Variants in KLF15 observed in about 807,000 individuals in gnomAD.
KLF15 encodes the protein KLF transcription factor 15, also known as Krueppel-like factor 15.
A neutral mutation model predicts 24.6 loss-of-function variants in KLF15; 4 were observed. The ratio of observed to expected loss-of-function variants is 0.16; its 90% CI spans 0.08 to 0.37. The LOEUF (loss-of-function observed/expected upper bound fraction) is 0.37, where lower values mean the gene tolerates loss of function less well. Among genes scored for constraint, KLF15 ranks in the 10% least tolerant of loss-of-function variants. KLF15 has a pLI of 1.00. For missense variants in KLF15, 496 were observed against 560.6 expected, an observed-to-expected ratio of 0.88 and a Z score of 1.16; for synonymous variants, 246 against 236.3, an observed-to-expected ratio of 1.04 and a Z score of -0.37.
the KLF15 span, among the ~76,000 whole-genome samples, chr3:126,333,667 A>C: frequency 5.8e-4 from 87 of 148,860 alleles, no homozygotes; most frequent in African/African-American, 1.7e-3. Flanking sequence ...GTGCTGTATT[A>C]AGGAAACCCA....
intron 1 of KLF15, among the ~76,000 whole-genome samples, chr3:126,355,950 G>T (rs2082627370): frequency 6.6e-6 from 1 of 152,246 alleles, no homozygotes; most frequent in African/African-American, 2.4e-5. Flanking sequence ...ACGTGGGGCG[G>T]CCAGAGGCGC....
At position 126,352,355 on chromosome 3, in the gene KLF15, C is replaced by G. The variant is rs1202819678; in HGVS notation, c.568G>C (p.Glu190Gln). ...SHLHPGSSGR[E>Q]RCSPPPGGAS... ...CCACCTGGTGGAGGGGAACAGCGCTCTCTCCCGCTGGACCCAGGATGGAGG... is the reference window on the plus strand; with the variant it reads ...CCACCTGGTGGAGGGGAACAGCGCTGTCTCCCGCTGGACCCAGGATGGAGG... The change falls in exon 2 of 3, where the codon GAG becomes CAG. Residue 190 changes from glutamate (E) to glutamine (Q), a missense_variant. Physicochemically the swap from Glu to Gln is conservative, Grantham distance 29. Transcript: ENST00000296233. 7.5e-6 allele frequency: 12 copies of G among 1,601,528 alleles called. No individual in the cohort carries two copies. The highest frequency in any genetic ancestry group is 3.4e-5 in the South Asian group (3 of 88,902).
chr3:126,304,888 C>T, the KLF15 span, among the ~76,000 whole-genome samples: 1 of 152,226 alleles, frequency 6.6e-6, no homozygotes, highest in Non-Finnish European at 1.5e-5. Flanking sequence ...TTTACTCATG[C>T]AACAGTCACC....
chr3:126,322,957 TCTCTGA>T, the KLF15 span, among the ~76,000 whole-genome samples: 1 of 151,824 alleles, frequency 6.6e-6, no homozygotes, highest in Non-Finnish European at 1.5e-5. Flanking sequence ...TTGTGCCTGT[TCTCTGA>T]CTCTGCAAGC....
At chr3:126,342,351 T>C (rs1021097002), downstream of KLF15, among the ~76,000 whole-genome samples, 1 of 152,172 alleles carries the variant, frequency 6.6e-6, no homozygotes, top group Non-Finnish European at 1.5e-5. Context: ...TGGCCAGGCC[T>C]GAGGCAGCTT....
chr3:126,335,860 C>T, the KLF15 span, among the ~76,000 whole-genome samples: 1 of 113,234 alleles, frequency 8.8e-6, no homozygotes, highest in Non-Finnish European at 1.8e-5. Flanking sequence ...AGGAATCCAA[C>T]TTACAAGGGA....
the KLF15 span, among the ~76,000 whole-genome samples, chr3:126,297,963 C>G: frequency 1.8e-4 from 28 of 152,238 alleles, no homozygotes; most frequent in African/African-American, 6.5e-4. Context: ...GGGTAGGTAC[C>G]CAGTAGCAGG....
chr3:126,337,816 T>A (rs2082449909), downstream of KLF15, among the ~76,000 whole-genome samples: 1 of 152,172 alleles, frequency 6.6e-6, no homozygotes, highest in African/African-American at 2.4e-5. Context: ...TTATCATCCC[T>A]TATGGGGAGT....
Position 126,352,198 on chromosome 3 carries a change from G to T in KLF15, c.725C>A (p.Ala242Asp), listed in dbSNP as rs961177388. The change falls in exon 2 of 3, where the codon GCC (alanine) becomes GAC (aspartate). Residue 242 changes from alanine (A) to aspartate (D), a missense_variant. By Grantham distance (126) the Ala-to-Asp change is moderately radical. Coordinates refer to ENST00000296233, the MANE Select transcript of KLF15 (RefSeq NM_014079.4). ...SGTGPASPGQ[A>D]PENVKVAQLL... ...CTGGGCAACCTTGACATTCTCTGGGGCTTGCCCAGGGGAGGCAGGCCCTGT... is the reference window on the plus strand; with the variant it reads ...CTGGGCAACCTTGACATTCTCTGGGTCTTGCCCAGGGGAGGCAGGCCCTGT... The T allele has an allele frequency of 4.9e-5, 76 of 1,557,486 alleles. No individual in the cohort carries two copies. The highest frequency in any genetic ancestry group is 6.3e-5 in the Non-Finnish European group (73 of 1,154,308).
the KLF15 span, among the ~76,000 whole-genome samples, chr3:126,298,359 T>G: frequency 6.6e-6 from 1 of 151,650 alleles, no homozygotes; most frequent in Non-Finnish European, 1.5e-5. Context: ...ATTAGTCCTT[T>G]GTTGGATGTA....
chr3:126,352,242 AG>A lies in KLF15; in HGVS notation c.680del (p.Pro227LeufsTer2). On this transcript the variant is annotated frameshift_variant, in exon 2 of 3. Transcript: ENST00000296233. LOFTEE classifies it high-confidence loss of function. ...IPVLLQIQPV[P>X]VKQESGTGPA... The stretch of plus-strand genomic sequence containing the variant: ...GCCCTGTGCCCGATTCCTGCTTCAC[AG>A]GCACGGGCTGGATCTGCAGCAACAC... The A allele has an allele frequency of 6.5e-7, 1 of 1,535,920 alleles. No homozygotes were observed. Among genetic ancestry groups the A allele is most frequent in the Non-Finnish European group, 8.7e-7 (1 of 1,143,862 alleles).
At chr3:126,294,835 A>G in the KLF15 span, among the ~76,000 whole-genome samples, 1 of 150,874 alleles carries the variant, frequency 6.6e-6, no homozygotes, top group Admixed American at 6.6e-5. Flanking sequence ...TCTAAAGCCA[A>G]GTCTTTTGCC....
At position 126,352,044 on chromosome 3, in the gene KLF15, C is replaced by A. The variant is rs755483128; in HGVS notation, c.879G>T (p.Ser293=). ...PVPIAAKPVG[S]GPLGPGPAGL... ...CGGCAGGGCCAGGCCCCAGGGGTCC[C>A]GATCCAACAGGCTTGGCGGCAATGG... The change falls in exon 2 of 3, where the codon TCG becomes TCT. Residue 293 remains serine, a synonymous_variant. Coordinates refer to ENST00000296233, the MANE Select transcript of KLF15 (RefSeq NM_014079.4). 2.0e-6 allele frequency: 3 copies of A among 1,529,390 alleles called. No homozygotes were observed. The African/African-American group carries it at 4.1e-5, about 21-fold the overall frequency. 94.7% of individuals were successfully genotyped at this position (1,529,390 alleles called of 1,614,324 possible).
chr3:126,293,727 T>C, the KLF15 span, among the ~76,000 whole-genome samples: 6 of 152,238 alleles, frequency 3.9e-5, no homozygotes, highest in African/African-American at 1.2e-4. Context: ...GCAAGGGCCA[T>C]GGAATATGCT....
the KLF15 span, among the ~76,000 whole-genome samples, chr3:126,291,609 G>A: frequency 2.0e-5 from 3 of 152,246 alleles, no homozygotes; most frequent in African/African-American, 2.4e-5. Context: ...GAAGGAGGCC[G>A]GGGCTGCCAC....
the KLF15 span, among the ~76,000 whole-genome samples, chr3:126,299,814 G>A: frequency 1.3e-5 from 2 of 149,462 alleles, no homozygotes; most frequent in East Asian, 2.0e-4. Flanking sequence ...ATGACCACGC[G>A]AGGTCACAGG....
the KLF15 span, among the ~76,000 whole-genome samples, chr3:126,329,277 G>C: frequency 6.6e-6 from 1 of 152,096 alleles, no homozygotes; most frequent in African/African-American, 2.4e-5. Flanking sequence ...TCTGTATGTT[G>C]CCTCATGTCT....
the KLF15 span, among the ~76,000 whole-genome samples, chr3:126,307,262 C>T: frequency 9.9e-4 from 150 of 152,266 alleles, 1 homozygote; most frequent in Non-Finnish European, 1.5e-3. Context: ...CCTGGGTCAC[C>T]GGGCTCCTCC....
chr3:126,294,713 A>G, the KLF15 span, among the ~76,000 whole-genome samples: 6,712 of 152,178 alleles, frequency 0.044, 467 homozygotes, highest in African/African-American at 0.15. Context: ...AGCCTTGCAC[A>G]GGCTTTGGGG....
Sources: gnomAD v4.1 joint callset for allele counts (sites outside exome capture counted in the v4.1 genomes callset) on GRCh38, gnomAD v4.1.1 for gene constraint, MANE v1.5 for transcripts, NCBI Gene and HGNC (gene_info 2026-07-23, HGNC 2026-07-21) for gene names.